The following LAMB1 variants were observed in gnomAD, a reference collection of about 807,000 sequenced individuals.
LAMB1 encodes the protein laminin subunit beta-1.
A neutral mutation model predicts 222.3 loss-of-function variants in LAMB1; 121 were observed. That is an observed-to-expected ratio of 0.54 (90% CI 0.47 to 0.63). The LOEUF is 0.63. Ranked by LOEUF, LAMB1 falls within the 30% of genes least tolerant of loss-of-function variation. LAMB1 has a pLI of 0.00. For missense variants in LAMB1, 2,172 were observed against 2,240.8 expected, an observed-to-expected ratio of 0.97 and a Z score of 0.62; for synonymous variants, 794 against 807.2, an observed-to-expected ratio of 0.98 and a Z score of 0.28.
chr7:107,970,094 A>G (rs2701033), intron 13 of LAMB1, among the ~76,000 whole-genome samples: 2,619 of 152,320 alleles, frequency 0.017, 69 homozygotes, highest in African/African-American at 0.06. Flanking sequence ...CTGTCCAAAG[A>G]GACCTTTTTA....
rs145920075 is a variant in LAMB1, at chr7:107,946,281, T to C, written c.3391+4945A>G. The stretch of plus-strand genomic sequence containing the variant: ...AATTTTTATTTCTTACATGGGATTT[T>C]CTTTTTTCTGACATTCTCTTTTATC... On this transcript the variant is annotated intron_variant, in intron 24 of 33. Coordinates refer to ENST00000222399, the MANE Select transcript of LAMB1 (RefSeq NM_002291.3). Among the ~76,000 whole-genome samples the C allele has an allele frequency of 3.2e-3, 484 of 152,392 alleles. 1 individual carries two copies. The highest frequency in any genetic ancestry group is 0.011 in the African/African-American group (465 of 41,596).
intron 5 of LAMB1, among the ~76,000 whole-genome samples, chr7:107,988,682 T>C (rs917817624): frequency 2.0e-5 from 3 of 152,100 alleles, no homozygotes; most frequent in Non-Finnish European, 4.4e-5. Flanking sequence ...AAAGAGGTGA[T>C]TAAGGTTAAA....
At position 107,929,637 on chromosome 7, in the gene LAMB1, G is replaced by A; in HGVS notation, c.4538-18C>T. 1.9e-6 allele frequency: 3 copies of A among 1,603,328 alleles called. No individual in the cohort carries two copies. Among genetic ancestry groups the A allele is most frequent in the Non-Finnish European group, 2.6e-6 (3 of 1,170,572 alleles). On this transcript the variant is annotated intron_variant, in intron 29 of 33. Transcript: ENST00000222399. ...ACTATCCTCTGTGAAAAGCAAAGAT[G>A]TCCCCAAAAAGAGGTGAAAAGAATA... is the stretch of plus-strand genomic sequence containing the variant.
rs139075134 is a variant in LAMB1 at position 107,979,609 on chromosome 7, A to ATACTT, written c.879+999_879+1000insAAGTA. Among the ~76,000 whole-genome samples the ATACTT allele has an allele frequency of 7.9e-3, 1,201 of 152,330 alleles. 22 individuals are homozygous for ATACTT. Among genetic ancestry groups the ATACTT allele is most frequent in the African/African-American group, 0.027 (1,132 of 41,568 alleles). Reference sequence around the variant, plus strand: ...AAGAATTCTCCTAGATACTAATAGAATAAACTCATCTATCCATTTGGCAAA... The same window carrying ATACTT: ...AAGAATTCTCCTAGATACTAATAGAATACTTTAAACTCATCTATCCATTTGGCAAA... On this transcript the variant is annotated intron_variant, in intron 8 of 33. Transcript: ENST00000222399.
intron 13 of LAMB1, 24 bp downstream of exon 13, chr7:107,972,968 G>A: frequency 6.4e-7 from 1 of 1,567,294 alleles, no homozygotes; most frequent in Non-Finnish European, 8.8e-7. Flanking sequence ...CTGAGGACAA[G>A]AGCATACGTA....
chr7:107,961,017 A>G (rs1054458292), intron 17 of LAMB1, among the ~76,000 whole-genome samples, 189 bp downstream of exon 17: 1 of 152,074 alleles, frequency 6.6e-6, no homozygotes, highest in Admixed American at 6.6e-5. Flanking sequence ...TTTAAAAGAC[A>G]TTTTATATTT....
chr7:107,966,929 C>T (rs1044786170), intron 13 of LAMB1, among the ~76,000 whole-genome samples: 1 of 152,236 alleles, frequency 6.6e-6, no homozygotes, highest in African/African-American at 2.4e-5. Context: ...GAATTGTCAT[C>T]ACAGATAGGC....
intron 31 of LAMB1, among the ~76,000 whole-genome samples, chr7:107,927,663 A>G (rs2032597262): frequency 2.0e-5 from 3 of 152,242 alleles, no homozygotes; most frequent in African/African-American, 7.2e-5. Context: ...ATTCACTAAA[A>G]TATTAACAGC....
chr7:107,981,634 A>G lies in LAMB1; in HGVS notation c.677-823T>C, dbSNP rs144224403. Among the ~76,000 whole-genome samples, 364 of 152,318 alleles carry G rather than the reference A, an allele frequency of 2.4e-3. 2 individuals carry two copies. The highest frequency in any genetic ancestry group is 3.9e-3 in the Non-Finnish European group (268 of 68,034). The stretch of plus-strand genomic sequence containing the variant: ...GGAGAAATTATAAGAACGCAGCTGC[A>G]TGACTGCTGGAACCTGCGGGCAGAC... On this transcript the variant is annotated intron_variant, in intron 7 of 33. Coordinates refer to ENST00000222399, the MANE Select transcript of LAMB1 (RefSeq NM_002291.3).
At chr7:107,997,878 GA>G (rs2034310154) in intron 4 of LAMB1, among the ~76,000 whole-genome samples, 1 of 152,002 alleles carries the variant, frequency 6.6e-6, no homozygotes, top group African/African-American at 2.4e-5. Flanking sequence ...CAGAGTCTTT[GA>G]AAAAATTACA....
intron 21 of LAMB1, among the ~76,000 whole-genome samples, chr7:107,955,144 T>G (rs78104694): frequency 0.02 from 2,975 of 152,312 alleles, 88 homozygotes; most frequent in African/African-American, 0.067. Context: ...ATACTTTTGC[T>G]AGGAGTTGGA....
chr7:107,978,073 T>G lies in LAMB1; in HGVS notation c.974A>C (p.Glu325Ala), dbSNP rs776890213. ...TTTACAGGCGTTGCTGTTTCGGCCTTCAGCAGGTCTCCAAGGTAAATCATG... is the reference window on the plus strand; with the variant it reads ...TTTACAGGCGTTGCTGTTTCGGCCTGCAGCAGGTCTCCAAGGTAAATCATG... ...FYHDLPWRPA[E>A]GRNSNACKKC... is the part of the protein sequence containing the mutation. Residue 325 changes from glutamate to alanine, a missense_variant, in exon 9 of 34, where the codon GAA becomes GCA. Transcript: ENST00000222399. The G allele has an allele frequency of 4.3e-6, 7 of 1,614,106 alleles. No individual in the cohort carries two copies.
At chr7:107,993,448 T>C (rs1463990821) in intron 5 of LAMB1, among the ~76,000 whole-genome samples, 2 of 152,106 alleles carry the variant, frequency 1.3e-5, no homozygotes, top group East Asian at 3.9e-4. Flanking sequence ...CTTGTAGCCA[T>C]TCTGCATGTC....
intron 32 of LAMB1, among the ~76,000 whole-genome samples, chr7:107,925,135 C>G (rs1382895019): frequency 6.6e-6 from 1 of 152,142 alleles, no homozygotes; most frequent in Admixed American, 6.5e-5. Context: ...GTTCTCTTTC[C>G]CAACCTAGAG....
chr7:107,958,871 A>G (rs2033432687), intron 20 of LAMB1, among the ~76,000 whole-genome samples: 1 of 152,190 alleles, frequency 6.6e-6, no homozygotes, highest in South Asian at 2.1e-4. Flanking sequence ...AAAATGACTA[A>G]TCCCATTTGG....
intron 31 of LAMB1, among the ~76,000 whole-genome samples, 166 bp from the exon 32 acceptor site, chr7:107,926,525 C>A (rs1007751279): frequency 2.0e-5 from 3 of 152,148 alleles, no homozygotes; most frequent in African/African-American, 7.2e-5. Context: ...AAGTATCTAA[C>A]TTTAGTCTTT....
At chr7:107,955,398 C>T in intron 21 of LAMB1, 69 bp downstream of exon 21, 2 of 1,358,194 alleles carry the variant, frequency 1.5e-6, no homozygotes, top group Admixed American at 2.4e-5. Flanking sequence ...CTTTTTTTCT[C>T]ATTAACAATG....
chr7:107,985,125 C>T (rs551800086), intron 7 of LAMB1, among the ~76,000 whole-genome samples: 2 of 152,222 alleles, frequency 1.3e-5, no homozygotes, highest in Non-Finnish European at 2.9e-5. Flanking sequence ...TACTTGATAA[C>T]CTATCAATCT....
intron 7 of LAMB1, among the ~76,000 whole-genome samples, chr7:107,982,912 C>G (rs568724650): frequency 6.6e-6 from 1 of 152,290 alleles, no homozygotes; most frequent in Admixed American, 6.5e-5. Context: ...CCACAAAAGA[C>G]AAAAGAATCA....
Sources: gnomAD v4.1 joint callset for allele counts (sites outside exome capture counted in the v4.1 genomes callset) on GRCh38, gnomAD v4.1.1 for gene constraint, MANE v1.5 for transcripts, NCBI Gene and HGNC (gene_info 2026-07-23, HGNC 2026-07-21) for gene names.